Variants in RELL1 observed in about 807,000 individuals in gnomAD.
The protein encoded by RELL1 is RELT like 1.
In RELL1, 10 loss-of-function variants were observed where a neutral mutation model predicts 23.0. That is an observed-to-expected ratio of 0.43 (90% confidence interval 0.27 to 0.74). The LOEUF is 0.74. Ranked by LOEUF, RELL1 falls within the 30% of genes least tolerant of loss-of-function variation. The pLI, the probability that RELL1 is intolerant of heterozygous loss-of-function variation, is 0.19. For synonymous variants in RELL1, 146 were observed against 146.8 expected (o/e 0.99, Z 0.04); for missense variants, 315 against 364.4 (o/e 0.86, Z 1.10).
downstream of RELL1, among the ~76,000 whole-genome samples, chr4:37,608,302 G>A (rs556274322): frequency 9.2e-5 from 14 of 152,158 alleles, no homozygotes; most frequent in Non-Finnish European, 1.6e-4. Flanking sequence ...GTCAAAAGCC[G>A]AGACAGGCAG....
At chr4:37,652,713 T>C (rs139318038) in intron 1 of RELL1, among the ~76,000 whole-genome samples, 15 of 152,330 alleles carry the variant, frequency 9.8e-5, no homozygotes, top group African/African-American at 3.4e-4. Flanking sequence ...GAATTTGACA[T>C]GTGGCAACCC....
chr4:37,614,908 C>T (rs1028861534), intron 6 of RELL1, among the ~76,000 whole-genome samples: 1 of 152,138 alleles, frequency 6.6e-6, no homozygotes, highest in African/African-American at 2.4e-5. Flanking sequence ...TAGAAACACT[C>T]CTCATTTTGA....
intron 1 of RELL1, among the ~76,000 whole-genome samples, chr4:37,685,328 CAAGT>C (rs1218101952): frequency 3.3e-5 from 5 of 151,940 alleles, no homozygotes; most frequent in Admixed American, 2.6e-4. Flanking sequence ...CCCAAATGGC[CAAGT>C]AAGTATGTTT....
intron 4 of RELL1, among the ~76,000 whole-genome samples, chr4:37,637,108 C>T (rs543752877): frequency 1.5e-3 from 236 of 152,310 alleles, no homozygotes; most frequent in African/African-American, 5.4e-3. Flanking sequence ...AACCCACTGA[C>T]GGGCACTACA....
chr4:37,678,168 TG>T (rs1722080419), intron 1 of RELL1, among the ~76,000 whole-genome samples: 3 of 151,864 alleles, frequency 2.0e-5, no homozygotes, highest in South Asian at 2.1e-4. Flanking sequence ...AAGAGAGAGT[TG>T]GGGGGGAGGT....
At chr4:37,675,071 A>G (rs1357644493) in intron 1 of RELL1, among the ~76,000 whole-genome samples, 1 of 152,222 alleles carries the variant, frequency 6.6e-6, no homozygotes, top group Non-Finnish European at 1.5e-5. Flanking sequence ...AAGCCTAATG[A>G]CATGTAAACT....
At chr4:37,609,561 C>A (rs77392011), downstream of RELL1, among the ~76,000 whole-genome samples, 600 of 152,298 alleles carry the variant, frequency 3.9e-3, 3 homozygotes, top group African/African-American at 0.014. Context: ...CTCTAGTGGA[C>A]CTCAGTAAAG....
intron 6 of RELL1, among the ~76,000 whole-genome samples, chr4:37,604,110 C>T (rs533457531): frequency 6.6e-6 from 1 of 152,258 alleles, no homozygotes; most frequent in South Asian, 2.1e-4. Context: ...GGGTGGGGAG[C>T]TTGCTGAACC....
intron 1 of RELL1, among the ~76,000 whole-genome samples, chr4:37,652,984 T>TA (rs973731726): frequency 5.3e-5 from 8 of 152,292 alleles, no homozygotes; most frequent in African/African-American, 1.9e-4. Flanking sequence ...TCCTCTCTGT[T>TA]AAAAGGATCA....
chr4:37,652,022 G>A (rs904827939), intron 1 of RELL1, among the ~76,000 whole-genome samples: 9 of 152,200 alleles, frequency 5.9e-5, no homozygotes, highest in East Asian at 1.9e-4. Flanking sequence ...GCAGAGCGTC[G>A]CCAGCCAGGA....
intron 1 of RELL1, among the ~76,000 whole-genome samples, chr4:37,659,987 T>C (rs1369378051): frequency 2.0e-5 from 3 of 152,078 alleles, no homozygotes; most frequent in Non-Finnish European, 4.4e-5. Flanking sequence ...ACCAACAAAC[T>C]CTTGATGGGA....
At chr4:37,628,303 T>C (rs1720018021) in intron 6 of RELL1, among the ~76,000 whole-genome samples, 1 of 152,166 alleles carries the variant, frequency 6.6e-6, no homozygotes. Context: ...CTGGTATCTC[T>C]AAACAAGTTG....
At chr4:37,651,439 A>C (rs11096894) in intron 1 of RELL1, among the ~76,000 whole-genome samples, 2 of 152,090 alleles carry the variant, frequency 1.3e-5, no homozygotes, top group Admixed American at 1.3e-4. Flanking sequence ...GAGGTTTTCT[A>C]CATCAAGGGA....
At chr4:37,621,860 G>T (rs1393601327) in intron 6 of RELL1, among the ~76,000 whole-genome samples, 1 of 152,230 alleles carries the variant, frequency 6.6e-6, no homozygotes, top group East Asian at 1.9e-4. Flanking sequence ...CACCCATGTT[G>T]TCTAAACTCT....
chr4:37,684,355 A>AAAG (rs1380307493), intron 1 of RELL1, among the ~76,000 whole-genome samples: 1 of 152,100 alleles, frequency 6.6e-6, no homozygotes, highest in African/African-American at 2.4e-5. Flanking sequence ...TCATCAAAAA[A>AAAG]AAAAAAAGGC....
chr4:37,686,339 A>T lies in RELL1; in HGVS notation c.-52T>A. The T allele has an allele frequency of 1.5e-6, 2 of 1,375,738 alleles. No individual in the cohort carries two copies. The highest frequency in any genetic ancestry group is 1.9e-6 in the Non-Finnish European group (2 of 1,046,190). 85.2% of individuals were successfully genotyped at this position (1,375,738 alleles called of 1,614,324 possible). Reference sequence around the variant, plus strand: ...CAGGGCGCCGCGTCCCGCGCTCGGGAAGGCAGAGCCGCTCCGGAGCCGGCG... The same window carrying T: ...CAGGGCGCCGCGTCCCGCGCTCGGGTAGGCAGAGCCGCTCCGGAGCCGGCG... On this transcript the variant is annotated 5_prime_UTR_variant, in exon 1 of 7. Transcript: ENST00000454158.
At chr4:37,621,844 C>G (rs1719779454) in intron 6 of RELL1, among the ~76,000 whole-genome samples, 1 of 152,198 alleles carries the variant, frequency 6.6e-6, no homozygotes, top group South Asian at 2.1e-4. Flanking sequence ...ATCAAAAATT[C>G]CTGGTCACCC....
intron 3 of RELL1, among the ~76,000 whole-genome samples, chr4:37,642,822 A>G (rs1457628207): frequency 6.6e-6 from 1 of 152,168 alleles, no homozygotes; most frequent in East Asian, 1.9e-4. Context: ...ATTAAACTGG[A>G]CAAAACAACT....
chr4:37,615,951 C>A (rs1403676978), intron 6 of RELL1, among the ~76,000 whole-genome samples: 1 of 151,800 alleles, frequency 6.6e-6, no homozygotes, highest in Non-Finnish European at 1.5e-5. Context: ...ATACAAATAT[C>A]TATGCCTTGT....
Sources: allele counts gnomAD v4.1 joint callset (sites outside exome capture counted in the v4.1 genomes callset), GRCh38; gene constraint gnomAD v4.1.1; transcripts MANE v1.5; gene names NCBI Gene and HGNC (gene_info 2026-07-23, HGNC 2026-07-21).